PSMF1: variants seen among roughly 807,000 people sequenced by gnomAD.
PSMF1 encodes proteasome inhibitor PI31 subunit.
Under a neutral mutation model 29.3 loss-of-function variants are expected in PSMF1, and 30 were observed. That is an observed-to-expected ratio of 1.02 (90% CI 0.77 to 1.39). PSMF1 has a LOEUF of 1.39. Among genes scored for constraint, PSMF1 ranks in the 40% most tolerant of loss-of-function variants. PSMF1 has a pLI of 0.00. For missense variants in PSMF1, 344 were observed against 357.5 expected (o/e 0.96, Z 0.31); for synonymous variants, 134 against 139.7 (o/e 0.96, Z 0.29).
upstream of PSMF1, among the ~76,000 whole-genome samples, chr20:1,113,609 T>C (rs2085987479): frequency 6.6e-6 from 1 of 152,114 alleles, no homozygotes; most frequent in Non-Finnish European, 1.5e-5. Context: ...GAGATAGAGC[T>C]CACCTCATTC....
Position 1,166,846 on chromosome 20 carries a change from A to G in PSMF1, c.*1766A>G, listed in dbSNP as rs1351157978. 1 of 153,022 alleles carries G rather than the reference A, an allele frequency of 6.5e-6. No individual in the cohort carries two copies. Among genetic ancestry groups the G allele is most frequent in the African/African-American group, 2.4e-5 (1 of 41,452 alleles). 9.5% of individuals were successfully genotyped at this position (153,022 alleles called of 1,614,324 possible). ...CAAAAGGACTTAGAGCAGTTTGCTCATAAAGACATCCTTTATTATAAAAGG... is the reference window on the plus strand; with the variant it reads ...CAAAAGGACTTAGAGCAGTTTGCTCGTAAAGACATCCTTTATTATAAAAGG... On this transcript the variant is annotated 3_prime_UTR_variant, in exon 7 of 7. Coordinates refer to ENST00000335877, the MANE Select transcript of PSMF1 (RefSeq NM_006814.5).
intron 4 of PSMF1, among the ~76,000 whole-genome samples, chr20:1,146,786 G>C (rs145017780): frequency 6.6e-6 from 1 of 152,302 alleles, no homozygotes; most frequent in East Asian, 1.9e-4. Context: ...TTTCTGATCT[G>C]CACCTTGGGA....
At position 1,168,815 on chromosome 20, in the gene PSMF1, A is replaced by G. The variant is rs1275595319; in HGVS notation, c.*3735A>G. On this transcript the variant is annotated 3_prime_UTR_variant, in exon 7 of 7. Transcript: ENST00000335877. ...GCAGTTAGTATTCTTTGTCACCTAA[A>G]TTTGTCTACTTCTGTACATTTCCAA... Among the ~76,000 whole-genome samples, 1 of 152,152 alleles carries G rather than the reference A, an allele frequency of 6.6e-6. No individual in the cohort carries two copies. The highest frequency in any genetic ancestry group is 1.5e-5 in the Non-Finnish European group (1 of 68,028).
At position 1,125,571 on chromosome 20, in the gene PSMF1, G is replaced by A. The variant is rs35236223; in HGVS notation, c.203G>A (p.Arg68Gln). The A allele has an allele frequency of 6.1e-5, 99 of 1,613,966 alleles. No individual in the cohort carries two copies. The highest frequency in any genetic ancestry group is 1.2e-4 in the South Asian group (11 of 91,070). ...AACAATAAAGACCTGTATGTCCTCCGGTATGAGTATAAGGATGGGTCCAGA... is the reference window on the plus strand; with the variant it reads ...AACAATAAAGACCTGTATGTCCTCCAGTATGAGTATAAGGATGGGTCCAGA... ...WNNNKDLYVL[R>Q]YEYKDGSRKL... is the part of the protein sequence containing the mutation. The change falls in exon 2 of 7, where the codon CGG becomes CAG. Residue 68 changes from arginine to glutamine, a missense_variant. By Grantham distance (43) the Arg-to-Gln change is conservative. Coordinates refer to ENST00000335877, the MANE Select transcript of PSMF1 (RefSeq NM_006814.5).
chr20:1,135,947 C>T (rs1379992075), intron 4 of PSMF1, among the ~76,000 whole-genome samples: 2 of 152,112 alleles, frequency 1.3e-5, no homozygotes, highest in South Asian at 4.1e-4. Context: ...GTTTGGAGCC[C>T]GTACTGTGAT....
At chr20:1,132,450 T>C (rs2086242494) in intron 3 of PSMF1, among the ~76,000 whole-genome samples, 1 of 152,018 alleles carries the variant, frequency 6.6e-6, no homozygotes, top group Non-Finnish European at 1.5e-5. Flanking sequence ...TAATTTTTTG[T>C]ATTTTTAGTA....
At chr20:1,147,908 C>T (rs2086475523) in intron 4 of PSMF1, among the ~76,000 whole-genome samples, 1 of 152,206 alleles carries the variant, frequency 6.6e-6, no homozygotes, top group Non-Finnish European at 1.5e-5. Flanking sequence ...AGAAGCTGGC[C>T]TCTCTGGCTG....
Position 1,144,972 on chromosome 20 carries a change from G to A in PSMF1, c.551+9666G>A, listed in dbSNP as rs902498409. On this transcript the variant is annotated intron_variant, in intron 4 of 6. Coordinates refer to ENST00000335877, the MANE Select transcript of PSMF1 (RefSeq NM_006814.5). ...GCGATCTCGGCTCACTGCAGCCTCC[G>A]CCTCCCGGGTTCAAGCAACTCTTCT... Among the ~76,000 whole-genome samples, 43 of 152,040 alleles carry A rather than the reference G, an allele frequency of 2.8e-4. 1 individual carries two copies. The highest frequency in any genetic ancestry group is 1.0e-3 in the South Asian group (5 of 4,816).
At chr20:1,144,928 CAGTGTGG>C (rs2122546266) in intron 4 of PSMF1, among the ~76,000 whole-genome samples, 1 of 152,232 alleles carries the variant, frequency 6.6e-6, no homozygotes, top group Admixed American at 6.5e-5. Context: ...CAGAGTCACC[CAGTGTGG>C]AGTGCAGTGG....
chr20:1,170,321 T>A lies in PSMF1; in HGVS notation c.*5241T>A, dbSNP rs1326159250. 6.6e-6 allele frequency among the ~76,000 whole-genome samples: 1 copy of A among 152,216 alleles called. No individual in the cohort carries two copies. Among genetic ancestry groups the A allele is most frequent in the East Asian group, 1.9e-4 (1 of 5,202 alleles). On this transcript the variant is annotated 3_prime_UTR_variant, in exon 7 of 7. Coordinates refer to ENST00000335877, the MANE Select transcript of PSMF1 (RefSeq NM_006814.5). ...TTACGTGAATATCGAGTACAAAGAA[T>A]TGAGCCAGTCAGTCCTCTTGGTTAA...
rs1291692504 is a variant in PSMF1 at position 1,166,176 on chromosome 20, A to G, written c.*1096A>G. 6.2e-7 allele frequency: 1 copy of G among 1,607,780 alleles called. No homozygotes were observed. The highest frequency in any genetic ancestry group is 1.1e-5 in the South Asian group (1 of 89,756). ...CTTCGGGAGGAGCAGGGAGCCCTGC[A>G]CCTTGTGTCCTGGCCCACCTGACCT... On this transcript the variant is annotated 3_prime_UTR_variant, in exon 7 of 7. Transcript: ENST00000335877.
chr20:1,160,561 G>A lies in PSMF1; in HGVS notation c.552-2569G>A, dbSNP rs566848162. 3.2e-4 allele frequency: 142 copies of A among 450,288 alleles called. No individual in the cohort carries two copies. The Middle Eastern group carries it at 4.4e-3, about 14-fold the overall frequency. 27.9% of individuals were successfully genotyped at this position (450,288 alleles called of 1,614,324 possible). A position where few individuals can be genotyped will look rare whatever the true frequency, so the allele number is the denominator to read the frequency against. ...CTCCATGTCTTCCCACCGCTCTGCC[G>A]CCCAGCTCCTCCACCGATCACAATG... On this transcript the variant is annotated intron_variant, in intron 4 of 6. Transcript: ENST00000335877.
Position 1,126,144 on chromosome 20 carries a change from CA to C in PSMF1, c.282+501del, listed in dbSNP as rs376402147. 5.6e-3 allele frequency among the ~76,000 whole-genome samples: 860 copies of C among 152,256 alleles called. 6 individuals are homozygous for C. The highest frequency in any genetic ancestry group is 0.02 in the African/African-American group (819 of 41,524). On this transcript the variant is annotated intron_variant, in intron 2 of 6. Transcript: ENST00000335877. ...GTTCTGACTACCCAGTCCTACTCCC[CA>C]AAAAAATCTAAATTATGTCTCTTTA...
chr20:1,124,280 TG>T (rs2122460015), intron 1 of PSMF1, among the ~76,000 whole-genome samples: 1 of 152,276 alleles, frequency 6.6e-6, no homozygotes, highest in African/African-American at 2.4e-5. Context: ...AACTTTAGTA[TG>T]GAAAGTCTTA....
chr20:1,131,550 G>A (rs2122493160), intron 3 of PSMF1, among the ~76,000 whole-genome samples: 1 of 152,312 alleles, frequency 6.6e-6, no homozygotes, highest in Admixed American at 6.5e-5. Flanking sequence ...GGCGGTGAAA[G>A]CTGAGGTATG....
Position 1,166,359 on chromosome 20 carries a change from T to C in PSMF1, c.*1279T>C. ...CTCTGCAGCTAGCATTTCAACCATATGTGGATCCTTTCATTTCTCAGCTCC... is the reference window on the plus strand; with the variant it reads ...CTCTGCAGCTAGCATTTCAACCATACGTGGATCCTTTCATTTCTCAGCTCC... On this transcript the variant is annotated 3_prime_UTR_variant, in exon 7 of 7. Transcript: ENST00000335877. The C allele has an allele frequency of 8.3e-7, 1 of 1,209,290 alleles. No homozygotes were observed. The highest frequency in any genetic ancestry group is 1.2e-6 in the Non-Finnish European group (1 of 833,398). The allele number at this position is 1,209,290 out of a possible 1,614,324, so 74.9% of individuals were successfully genotyped here. A position where few individuals can be genotyped will look rare whatever the true frequency, so the allele number is the denominator to read the frequency against.
chr20:1,131,019 C>T (rs988090356), intron 3 of PSMF1, among the ~76,000 whole-genome samples: 1 of 152,008 alleles, frequency 6.6e-6, no homozygotes, highest in Non-Finnish European at 1.5e-5. Flanking sequence ...CAGGCCTGGC[C>T]GGCAGAATGC....
At position 1,164,423 on chromosome 20, in the gene PSMF1, GC is replaced by G. The variant is rs1343104932; in HGVS notation, c.716del (p.Pro239GlnfsTer99). The G allele has an allele frequency of 6.2e-7, 1 of 1,614,124 alleles. No homozygotes were observed. Among genetic ancestry groups the G allele is most frequent in the Non-Finnish European group, 8.5e-7 (1 of 1,180,028 alleles). Reference sequence around the variant, plus strand: ...CGAACCGACTTCCTCCAGGCGCTGTGCCCCCAGGAGCTCGCTTTGACCCCTT... The same window carrying G: ...CGAACCGACTTCCTCCAGGCGCTGTGCCCCAGGAGCTCGCTTTGACCCCTT... ...LPNRLPPGAVPPGARFDPFGP... is the reference protein window; with the variant it reads ...LPNRLPPGAVXPGARFDPFGP... On this transcript the variant is annotated frameshift_variant, in exon 6 of 7. Coordinates refer to ENST00000335877, the MANE Select transcript of PSMF1 (RefSeq NM_006814.5). LOFTEE classifies it high-confidence loss of function. The surrounding 1 kb of genome is among the most constrained non-coding windows in gnomAD (Gnocchi z 4.1).
rs2086794662 is a variant in PSMF1, at chr20:1,171,952, G to A, written c.*6872G>A. Among the ~76,000 whole-genome samples the A allele has an allele frequency of 2.0e-5, 3 of 152,228 alleles. No individual in the cohort carries two copies. Among genetic ancestry groups the A allele is most frequent in the Admixed American group, 2.0e-4 (3 of 15,278 alleles). On this transcript the variant is annotated 3_prime_UTR_variant, in exon 7 of 7. Transcript: ENST00000335877. ...ATGTGAAGAGAGGGATGGCCCAGGG[G>A]CCCTTGGCCATGGTGGCCTTGGACA...
Sources: gnomAD v4.1 joint callset for allele counts (sites outside exome capture counted in the v4.1 genomes callset) on GRCh38, gnomAD v4.1.1 for gene constraint, Gnocchi (gnomAD v3.1) non-coding constraint, MANE v1.5 for transcripts, NCBI Gene and HGNC (gene_info 2026-07-23, HGNC 2026-07-21) for gene names.